The following SGIP1 variants were observed in gnomAD, a reference collection of about 807,000 sequenced individuals.
SGIP1 encodes the protein SH3-containing GRB2-like protein 3-interacting protein 1.
A neutral mutation model predicts 107.5 loss-of-function variants in SGIP1; 38 were observed. The observed-to-expected ratio is 0.35, with a 90% CI of 0.27 to 0.46. The LOEUF is 0.46. Among genes scored for constraint, SGIP1 ranks in the 20% least tolerant of loss-of-function variants. The pLI, the probability that SGIP1 is intolerant of heterozygous loss-of-function variation, is 1.00. For missense variants in SGIP1, 929 were observed against 1,019.5 expected (o/e 0.91, Z 1.21); for synonymous variants, 365 against 366.1 (o/e 1.00, Z 0.03).
intron 7 of SGIP1, among the ~76,000 whole-genome samples, chr1:66,647,700 C>G (rs988182062): frequency 3.3e-5 from 5 of 152,186 alleles, no homozygotes; most frequent in African/African-American, 1.2e-4. Context: ...TTTATAAATA[C>G]TAGTGATACC....
intron 21 of SGIP1, among the ~76,000 whole-genome samples, chr1:66,736,291 T>C (rs1374865649): frequency 6.8e-6 from 1 of 146,006 alleles, no homozygotes; most frequent in African/African-American, 2.5e-5. Context: ...GTTTAAAATA[T>C]TATATAAAAT....
chr1:66,558,961 G>T (rs2058560589), intron 1 of SGIP1, among the ~76,000 whole-genome samples: 1 of 151,984 alleles, frequency 6.6e-6, no homozygotes, highest in Non-Finnish European at 1.5e-5. Context: ...CCAGAGAAGG[G>T]CTAGCAGGTG....
At chr1:66,671,350 G>T (rs997270909) in intron 10 of SGIP1, among the ~76,000 whole-genome samples, 1 of 152,032 alleles carries the variant, frequency 6.6e-6, no homozygotes, top group African/African-American at 2.4e-5. Flanking sequence ...AAGAACAGGC[G>T]GGCAGAAGGA....
chr1:66,672,016 T>A, intron 11 of SGIP1, 21 bp downstream of exon 11: 1 of 1,612,290 alleles, frequency 6.2e-7, no homozygotes, highest in South Asian at 1.1e-5. Context: ...AAGACATTAG[T>A]TGTGTTTTAT....
intron 14 of SGIP1, among the ~76,000 whole-genome samples, chr1:66,681,177 G>T (rs989633510): frequency 1.3e-5 from 2 of 152,108 alleles, no homozygotes; most frequent in East Asian, 1.9e-4. Context: ...AGTAGCAAAT[G>T]CCTCCTCAAT....
intron 15 of SGIP1, among the ~76,000 whole-genome samples, chr1:66,688,847 C>T (rs2150082125): frequency 6.6e-6 from 1 of 152,244 alleles, no homozygotes; most frequent in South Asian, 2.1e-4. Flanking sequence ...AAGGTACCTA[C>T]CATGCAGCAG....
At position 66,670,999 on chromosome 1, in the gene SGIP1, C is replaced by G; in HGVS notation, c.488C>G (p.Ala163Gly). ...AGTGTCTATTTCTAATTCTAGGGTG[C>G]AATTAAAAGGAACTTATCCAGTAAG... ...VRKSPRRSPG[A>G]IKRNLSSEEV... Residue 163 changes from alanine to glycine, a missense_variant, in exon 10 of 25, where the codon GCA becomes GGA. By Grantham distance (60) the Ala-to-Gly change is moderately conservative. This residue lies in a region of SGIP1 where 588 missense variants were observed against 588.6 expected (regional missense o/e 1.00). Coordinates refer to ENST00000371037, the MANE Select transcript of SGIP1 (RefSeq NM_032291.4). 1.5e-6 allele frequency: 2 copies of G among 1,379,178 alleles called. No homozygotes were observed. The highest frequency in any genetic ancestry group is 1.0e-6 in the Non-Finnish European group (1 of 996,344). The allele number at this position is 1,379,178 out of a possible 1,614,324, so 85.4% of individuals were successfully genotyped here.
chr1:66,597,989 C>G (rs1489447121), intron 1 of SGIP1, among the ~76,000 whole-genome samples: 5 of 151,976 alleles, frequency 3.3e-5, no homozygotes, highest in African/African-American at 1.2e-4. Context: ...CTATATAGTT[C>G]AAGCAGAAAG....
In SGIP1 at chr1:66,744,129, A is replaced by AAGTCC. The variant is rs2094522360; in HGVS notation, c.*1036_*1040dup. 1 of 152,156 alleles carries AAGTCC rather than the reference A, an allele frequency of 6.6e-6. No homozygotes were observed. The highest frequency in any genetic ancestry group is 6.5e-5 in the Admixed American group (1 of 15,270). The allele number at this position is 152,156 out of a possible 1,614,324, so 9.4% of individuals were successfully genotyped here. A position where few individuals can be genotyped will look rare whatever the true frequency, so the allele number is the denominator to read the frequency against. ...GAGACTGAGAATTTTAGGGAAAAAA[A>AAGTCC]AGTCCACTGTTTAGATCCAGAAGGA... On this transcript the variant is annotated 3_prime_UTR_variant, in exon 25 of 25. Transcript: ENST00000371037.
intron 18 of SGIP1, among the ~76,000 whole-genome samples, chr1:66,709,466 C>T (rs1278502297): frequency 1.3e-5 from 2 of 152,130 alleles, no homozygotes; most frequent in Non-Finnish European, 2.9e-5. Flanking sequence ...CGGTTCTCTC[C>T]TCTCAGACTC....
Position 66,741,576 on chromosome 1 carries a change from C to G in SGIP1, c.2464+140C>G, listed in dbSNP as rs577469726. 59 of 822,620 alleles carry G rather than the reference C, an allele frequency of 7.2e-5. 1 individual carries two copies. In the South Asian group the frequency reaches 1.4e-3, roughly 20 times the overall value. The allele number at this position is 822,620 out of a possible 1,614,324, so 51.0% of individuals were successfully genotyped here. A position where few individuals can be genotyped will look rare whatever the true frequency, so the allele number is the denominator to read the frequency against. ...CCCCCATCCCAATTAGAAAACCAAC[C>G]AATTATTGAATGAAGTAGAAATAGG... On this transcript the variant is annotated intron_variant, in intron 24 of 24. Transcript: ENST00000371037.
At chr1:66,684,334 T>G in intron 15 of SGIP1, 3 of 1,228,544 alleles carry the variant, frequency 2.4e-6, no homozygotes, top group Non-Finnish European at 3.3e-6. Flanking sequence ...AAAAGTCTTC[T>G]CTCAAAATGT....
chr1:66,730,354 G>A (rs559794009), intron 20 of SGIP1, among the ~76,000 whole-genome samples: 1 of 152,090 alleles, frequency 6.6e-6, no homozygotes, highest in Non-Finnish European at 1.5e-5. Context: ...AAACCCACAT[G>A]CATGCATGCT....
rs1351966348 is a variant in SGIP1, at chr1:66,677,082, C to T, written c.725C>T (p.Pro242Leu). The change falls in exon 13 of 25, where the codon CCT becomes CTT. Residue 242 changes from proline to leucine, a missense_variant. Pro to Leu is a moderately conservative substitution (Grantham distance 98). This residue lies in a region of SGIP1 where 588 missense variants were observed against 588.6 expected (regional missense o/e 1.00). Coordinates refer to ENST00000371037, the MANE Select transcript of SGIP1 (RefSeq NM_032291.4). ...ATGGAGTCGCCAAAGTTAACAAGGC[C>T]TTTTCCCACTGGAAGTAAGTTATGT... ...PSMESPKLTR[P>L]FPTGTPPPLP... 3 of 1,613,566 alleles carry T rather than the reference C, an allele frequency of 1.9e-6. No homozygotes were observed. Among genetic ancestry groups the T allele is most frequent in the Non-Finnish European group, 1.7e-6 (2 of 1,179,814 alleles).
chr1:66,689,102 T>C, intron 15 of SGIP1, 46 bp from the exon 16 acceptor site: 1 of 1,590,446 alleles, frequency 6.3e-7, no homozygotes, highest in Non-Finnish European at 8.6e-7. Flanking sequence ...AACAGCGCTT[T>C]GGCCCCCTGT....
chr1:66,646,933 T>A (rs918078348), intron 7 of SGIP1, among the ~76,000 whole-genome samples: 2 of 152,196 alleles, frequency 1.3e-5, no homozygotes, highest in Admixed American at 1.3e-4. Context: ...GGATAATAAT[T>A]CTTTTTCTTA....
chr1:66,574,118 A>G lies in SGIP1; in HGVS notation c.10+39750A>G, dbSNP rs115236292. Among the ~76,000 whole-genome samples the G allele has an allele frequency of 6.3e-3, 965 of 152,226 alleles. 12 individuals are homozygous for G. The highest frequency in any genetic ancestry group is 0.022 in the African/African-American group (906 of 41,552). ...TAGGTGAGGAGCCTCCCACGCAGTCATTCAGAAACCCAGGTTCTTTCCATC... is the reference window on the plus strand; with the variant it reads ...TAGGTGAGGAGCCTCCCACGCAGTCGTTCAGAAACCCAGGTTCTTTCCATC... On this transcript the variant is annotated intron_variant, in intron 1 of 24. Coordinates refer to ENST00000371037, the MANE Select transcript of SGIP1 (RefSeq NM_032291.4).
chr1:66,631,051 GAAAGAAAGAAAGAAAGAAA>G (rs1305117848), intron 2 of SGIP1, among the ~76,000 whole-genome samples: 2 of 68,918 alleles, frequency 2.9e-5, no homozygotes, highest in Admixed American at 1.7e-4. Context: ...AAGGAAGAAA[GAAAGAAAGAAAGAAAGAAA>G]GAAAGAAAGA....
At chr1:66,705,261 G>T (rs148465129) in intron 18 of SGIP1, among the ~76,000 whole-genome samples, 1 of 152,136 alleles carries the variant, frequency 6.6e-6, no homozygotes, top group African/African-American at 2.4e-5. Flanking sequence ...TCTTGCTGAC[G>T]CATATTCACA....
Sources: allele counts gnomAD v4.1 joint callset (sites outside exome capture counted in the v4.1 genomes callset), GRCh38; gene constraint gnomAD v4.1.1; regional missense constraint gnomAD v4.1.1; transcripts MANE v1.5; gene names NCBI Gene and HGNC (gene_info 2026-07-23, HGNC 2026-07-21).